Variants in INPPL1 observed in about 807,000 individuals in gnomAD.
INPPL1 encodes phosphatidylinositol 3,4,5-trisphosphate 5-phosphatase 2.
INPPL1 carries 91 observed loss-of-function variants against 139.3 expected under a neutral mutation model. That is an observed-to-expected ratio of 0.65 (90% CI 0.55 to 0.78). The LOEUF is 0.78. Ranked by LOEUF, INPPL1 falls within the 30% of genes least tolerant of loss-of-function variation. INPPL1 has a pLI of 0.00. For missense variants in INPPL1, 1,411 were observed against 1,665.6 expected, an observed-to-expected ratio of 0.85 and a Z score of 2.66; for synonymous variants, 719 against 686.6, an observed-to-expected ratio of 1.05 and a Z score of -0.74.
intron 25 of INPPL1, among the ~76,000 whole-genome samples, chr11:72,236,804 A>G (rs1949000629): frequency 6.6e-6 from 1 of 152,152 alleles, no homozygotes; most frequent in Non-Finnish European, 1.5e-5. Context: ...CTGGCCTCTC[A>G]TTGGAGGCTT....
In INPPL1 at chr11:72,232,564, C is replaced by T. The variant is rs544575658; in HGVS notation, c.1713-62C>T. On this transcript the variant is annotated intron_variant, in intron 14 of 27. Transcript: ENST00000298229. Reference sequence around the variant, plus strand: ...TGAGACTTCTTCCCTTTATGCCTATCCCTGACTTCTGGCCCTGACCCTGGG... The same window carrying T: ...TGAGACTTCTTCCCTTTATGCCTATTCCTGACTTCTGGCCCTGACCCTGGG... 43 of 1,585,168 alleles carry T rather than the reference C, an allele frequency of 2.7e-5. No individual in the cohort carries two copies. The African/African-American group carries it at 5.4e-4, about 20-fold the overall frequency.
At chr11:72,232,113 TG>T (rs1948852402) in intron 13 of INPPL1, 126 bp from the exon 14 acceptor site, 1 of 754,138 alleles carries the variant, frequency 1.3e-6, no homozygotes, top group Non-Finnish European at 2.3e-6. Context: ...TGCAGGGGCC[TG>T]CCCATGTCAC....
Position 72,234,763 on chromosome 11 carries a change from G to GTA in INPPL1, c.2415+150_2415+151dup, listed in dbSNP as rs1491125172. The GTA allele has an allele frequency of 1.6e-6, 1 of 625,096 alleles. No homozygotes were observed. Among genetic ancestry groups the GTA allele is most frequent in the Admixed American group, 2.9e-5 (1 of 35,074 alleles). 38.7% of individuals were successfully genotyped at this position (625,096 alleles called of 1,614,324 possible). A position where few individuals can be genotyped will look rare whatever the true frequency, so the allele number is the denominator to read the frequency against. ...TGTGTGTGTGTGTGTGTGTGTGTGT[G>GTA]TATGGGCATGGGCATGAGTGAGGAT... On this transcript the variant is annotated intron_variant, in intron 21 of 27. Coordinates refer to ENST00000298229, the MANE Select transcript of INPPL1 (RefSeq NM_001567.4). The surrounding 1 kb of genome is among the most constrained non-coding windows in gnomAD (Gnocchi z 4.2).
At chr11:72,226,563 A>G (rs1948680352) in intron 1 of INPPL1, among the ~76,000 whole-genome samples, 1 of 152,072 alleles carries the variant, frequency 6.6e-6, no homozygotes, top group Non-Finnish European at 1.5e-5. Context: ...TAAACATTCT[A>G]CAGTGCACAA....
At chr11:72,226,237 G>A (rs551070122) in intron 1 of INPPL1, among the ~76,000 whole-genome samples, 2 of 148,244 alleles carry the variant, frequency 1.3e-5, no homozygotes, top group East Asian at 4.0e-4. Context: ...CTGGAGTGCA[G>A]TAGTGCAATC....
intron 13 of INPPL1, 98 bp from the exon 14 acceptor site, chr11:72,232,142 G>T: frequency 1.0e-6 from 1 of 963,564 alleles, no homozygotes; most frequent in Non-Finnish European, 1.6e-6. Flanking sequence ...GGTGGGCTCA[G>T]CGGGAGGATC....
chr11:72,232,133 G>A (rs2135431953), intron 13 of INPPL1, 107 bp from the exon 14 acceptor site: 2 of 884,610 alleles, frequency 2.3e-6, no homozygotes, highest in Non-Finnish European at 1.8e-6. Flanking sequence ...ACAGCGTCTG[G>A]TGGGCTCAGC....
intron 13 of INPPL1, 107 bp downstream of exon 13, chr11:72,231,722 C>T: frequency 1.3e-6 from 1 of 787,664 alleles, no homozygotes; most frequent in Non-Finnish European, 2.3e-6. Context: ...TTAGTTTCCC[C>T]ATATATAGGG....
intron 12 of INPPL1, 87 bp from the exon 13 acceptor site, chr11:72,231,411 A>T: frequency 1.7e-6 from 2 of 1,143,268 alleles, no homozygotes; most frequent in Non-Finnish European, 2.6e-6. Flanking sequence ...CTACCCTGTG[A>T]TGGACACAAA....
rs1330656596 is a variant in INPPL1, at chr11:72,231,133, T to C, written c.1441T>C (p.Trp481Arg). ...TQENSVGDREWLDLLRGGLKE... is the reference protein window; with the variant it reads ...TQENSVGDRERLDLLRGGLKE... The stretch of plus-strand genomic sequence containing the variant: ...GGAGAACTCAGTGGGCGACCGCGAG[T>C]GGCTGGACCTACTGCGCGGGGGCCT... Residue 481 changes from tryptophan to arginine, a missense_variant, in exon 12 of 28, where the codon TGG becomes CGG. Physicochemically the swap from Trp to Arg is moderately radical, Grantham distance 101. This residue lies in a region of INPPL1 where 363 missense variants were observed against 446.2 expected (regional missense o/e 0.81). Coordinates refer to ENST00000298229, the MANE Select transcript of INPPL1 (RefSeq NM_001567.4). The C allele has an allele frequency of 1.9e-6, 3 of 1,613,598 alleles. No homozygotes were observed. The highest frequency in any genetic ancestry group is 1.7e-6 in the Non-Finnish European group (2 of 1,179,998).
At position 72,231,578 on chromosome 11, in the gene INPPL1, T is replaced by C; in HGVS notation, c.1578T>C (p.Ser526=). 6.2e-7 allele frequency: 1 copy of C among 1,613,868 alleles called. No individual in the cohort carries two copies. Among genetic ancestry groups the C allele is most frequent in the Non-Finnish European group, 8.5e-7 (1 of 1,179,998 alleles). ...ACGAGAACCGTATCAGCCATGTCAGTACGTCCAGTGTGAAGACTGGCATCG... is the reference window on the plus strand; with the variant it reads ...ACGAGAACCGTATCAGCCATGTCAGCACGTCCAGTGTGAAGACTGGCATCG... ...PEHENRISHV[S]TSSVKTGIAN... is the part of the protein sequence containing the mutation. Residue 526 remains serine (S), a synonymous_variant, in exon 13 of 28, where the codon AGT becomes AGC. Transcript: ENST00000298229.
At chr11:72,232,114 G>C in intron 13 of INPPL1, 126 bp from the exon 14 acceptor site, 1 of 761,188 alleles carries the variant, frequency 1.3e-6, no homozygotes, top group African/African-American at 1.7e-5. Flanking sequence ...GCAGGGGCCT[G>C]CCCATGTCAC....
chr11:72,230,050 G>C, intron 8 of INPPL1, 31 bp downstream of exon 8: 2 of 1,614,104 alleles, frequency 1.2e-6, no homozygotes, highest in Non-Finnish European at 1.7e-6. Flanking sequence ...ACAGGGCCAA[G>C]GGTGGTTGGA....
At position 72,237,158 on chromosome 11, in the gene INPPL1, G is replaced by A. The variant is rs980920528; in HGVS notation, c.2914G>A (p.Val972Met). 2 of 1,600,926 alleles carry A rather than the reference G, an allele frequency of 1.2e-6. No individual in the cohort carries two copies. Among genetic ancestry groups the A allele is most frequent in the Admixed American group, 1.7e-5 (1 of 59,342 alleles). The change falls in exon 26 of 28, where the codon GTG (valine) becomes ATG (methionine). Residue 972 changes from valine (V) to methionine (M), a missense_variant. Transcript: ENST00000298229. Reference protein sequence around the residue: ...KPEGAPEPEGVAAPPPKNSFN... With the variant: ...KPEGAPEPEGMAAPPPKNSFN... ...AGAGGGAGCTCCTGAACCAGAAGGG[G>A]TGGCGGCCCCCCCACCCAAGAACAG...
At chr11:72,225,484 G>A in intron 1 of INPPL1, 1 of 985,424 alleles carries the variant, frequency 1.0e-6, no homozygotes, top group Non-Finnish European at 1.2e-6. Context: ...GAAGGGAGCA[G>A]GGGAGAGGAT....
chr11:72,233,770 G>T, intron 19 of INPPL1, 26 bp downstream of exon 19: 1 of 1,600,180 alleles, frequency 6.2e-7, no homozygotes, highest in Non-Finnish European at 8.6e-7. Context: ...ATGCTTGTGG[G>T]TGTGGCATAA....
At position 72,235,529 on chromosome 11, in the gene INPPL1, T is replaced by G. The variant is rs1948962753; in HGVS notation, c.2659+78T>G. On this transcript the variant is annotated intron_variant, in intron 23 of 27. Coordinates refer to ENST00000298229, the MANE Select transcript of INPPL1 (RefSeq NM_001567.4). The surrounding 1 kb of genome is among the most constrained non-coding windows in gnomAD (Gnocchi z 4.9). ...GCAGGGTGCGGGGGGCATGTTGGAATCTCTGGGATACCTGGAGGTTCTGCA... is the reference window on the plus strand; with the variant it reads ...GCAGGGTGCGGGGGGCATGTTGGAAGCTCTGGGATACCTGGAGGTTCTGCA... 6.4e-7 allele frequency: 1 copy of G among 1,565,714 alleles called. No homozygotes were observed. The highest frequency in any genetic ancestry group is 1.4e-5 in the African/African-American group (1 of 73,582).
At chr11:72,237,890 C>G in intron 26 of INPPL1, 94 bp downstream of exon 26, 1 of 1,467,760 alleles carries the variant, frequency 6.8e-7, no homozygotes, top group Admixed American at 2.2e-5. Context: ...TCATGGTGTC[C>G]CTGCTACCCT....
At chr11:72,237,839 T>G in intron 26 of INPPL1, 43 bp downstream of exon 26, 1 of 1,548,434 alleles carries the variant, frequency 6.5e-7, no homozygotes, top group South Asian at 1.2e-5. Context: ...CTGAGTGTGC[T>G]TGCCCACAGA....
Sources: allele counts gnomAD v4.1 joint callset (sites outside exome capture counted in the v4.1 genomes callset), GRCh38; gene constraint gnomAD v4.1.1; regional missense constraint gnomAD v4.1.1; non-coding constraint Gnocchi (gnomAD v3.1); transcripts MANE v1.5; gene names NCBI Gene and HGNC (gene_info 2026-07-23, HGNC 2026-07-21).